Variants in CNGA2 observed in about 807,000 individuals in gnomAD.
The protein encoded by CNGA2 is cyclic nucleotide gated channel subunit alpha 2, also known as cyclic nucleotide-gated channel alpha-2.
Under a neutral mutation model 35.9 loss-of-function variants are expected in CNGA2, and 22 were observed. The ratio of observed to expected loss-of-function variants is 0.61; its 90% CI spans 0.44 to 0.88. The LOEUF (loss-of-function observed/expected upper bound fraction) is 0.88. Ranked by LOEUF, CNGA2 falls within the 40% of genes least tolerant of loss-of-function variation. CNGA2 has a pLI of 0.00. For synonymous variants in CNGA2, 217 were observed against 209.2 expected (o/e 1.04, Z -0.32); for missense variants, 555 against 530.8 (o/e 1.05, Z -0.45).
At chrX:151,739,961 T>C (rs73640113) in intron 4 of CNGA2, among the ~76,000 whole-genome samples, 4,841 of 112,427 alleles carry the variant, frequency 0.043, 253 homozygotes, top group African/African-American at 0.15. Flanking sequence ...CTCGCCTTAG[T>C]TGCCTCTTGC....
In CNGA2 at chrX:151,739,637, A is replaced by T; in HGVS notation, c.279A>T (p.Ser93=). 1 of 1,211,730 alleles carries T rather than the reference A, an allele frequency of 8.3e-7. No homozygotes were observed. ...NFREEEPRPD[S]FLERFRGPEL... ...GAGAGGAGGAACCTAGGCCTGACTC[A>T]TTCCTCGAGCGTTTTCGTGGGCCTG... Residue 93 remains serine (S), a synonymous_variant, in exon 4 of 7, where the codon TCA becomes TCT. Coordinates refer to ENST00000329903, the MANE Select transcript of CNGA2 (RefSeq NM_005140.3).
Position 151,739,720 on chromosome X carries a change from A to G in CNGA2, c.362A>G (p.Asp121Gly), listed in dbSNP as rs774905906. 10 of 1,209,775 alleles carry G rather than the reference A, an allele frequency of 8.3e-6. No individual in the cohort carries two copies. In the East Asian group the frequency reaches 2.7e-4, roughly 32 times the overall value. ...GDGKGDKDGE[D>G]KGTKKKFELF... ...GGCAAAGGCGACAAGGATGGCGAGG[A>G]CAAAGGCACCAAGTACAGCTGTTCA... Residue 121 changes from aspartate to glycine, a missense_variant, in exon 4 of 7, where the codon GAC becomes GGC. By Grantham distance (94) the Asp-to-Gly change is moderately conservative. Transcript: ENST00000329903.
Position 151,744,320 on chromosome X carries a change from C to A in CNGA2, c.1817C>A (p.Thr606Asn). The A allele has an allele frequency of 8.3e-7, 1 of 1,211,157 alleles. No homozygotes were observed. Among genetic ancestry groups the A allele is most frequent in the Middle Eastern group, 2.3e-4 (1 of 4,355 alleles). The change falls in exon 7 of 7, where the codon ACC (threonine) becomes AAC (asparagine). Residue 606 changes from threonine (T) to asparagine (N), a missense_variant. Transcript: ENST00000329903. ...CAGGAGAAGCTAGGGCAGCTGGAGA[C>A]CAACATGGAAACCTTGTACACTCGC... ...DVQEKLGQLE[T>N]NMETLYTRFG...
In CNGA2 at chrX:151,744,182, T is replaced by C; in HGVS notation, c.1679T>C (p.Val560Ala). Residue 560 changes from valine (V) to alanine (A), a missense_variant, in exon 7 of 7, where the codon GTG becomes GCG. By Grantham distance (64) the Val-to-Ala change is moderately conservative. Transcript: ENST00000329903. Reference sequence around the variant, plus strand: ...TCCAAGGATGATCTTATGGAAGCTGTGACTGAGTACCCTGATGCCAAGAAA... The same window carrying C: ...TCCAAGGATGATCTTATGGAAGCTGCGACTGAGTACCCTGATGCCAAGAAA... ...CLSKDDLMEA[V>A]TEYPDAKKVL... The C allele has an allele frequency of 5.8e-6, 7 of 1,210,714 alleles. No individual in the cohort carries two copies. Among genetic ancestry groups the C allele is most frequent in the Non-Finnish European group, 7.8e-6 (7 of 895,311 alleles).
chrX:151,738,981 C>T (rs1453260799), intron 3 of CNGA2, 102 bp downstream of exon 3: 3 of 621,871 alleles, frequency 4.8e-6, no homozygotes, highest in Non-Finnish European at 7.2e-6. Context: ...GTCCTGTCCA[C>T]CAAGACCTCC....
At position 151,743,637 on chromosome X, in the gene CNGA2, G is replaced by T; in HGVS notation, c.1134G>T (p.Met378Ile). The T allele has an allele frequency of 8.3e-7, 1 of 1,211,570 alleles. No individual in the cohort carries two copies. Among genetic ancestry groups the T allele is most frequent in the Non-Finnish European group, 1.1e-6 (1 of 895,542 alleles). Residue 378 changes from methionine (M) to isoleucine (I), a missense_variant, in exon 7 of 7, where the codon ATG becomes ATT. By Grantham distance (10) the Met-to-Ile change is conservative. Transcript: ENST00000329903. Reference sequence around the variant, plus strand: ...ATGTGGGCTCCATGATCTCCAACATGAATGCCACCCGGGCAGAGTTCCAGG... The same window carrying T: ...ATGTGGGCTCCATGATCTCCAACATTAATGCCACCCGGGCAGAGTTCCAGG... ...VGNVGSMISNMNATRAEFQAK... is the reference protein window; with the variant it reads ...VGNVGSMISNINATRAEFQAK...
At chrX:151,742,409 C>T (rs1225881103) in intron 5 of CNGA2, 127 bp from the exon 6 acceptor site, 11 of 477,853 alleles carry the variant, frequency 2.3e-5, no homozygotes. Context: ...TGGCATCAGG[C>T]TGACTGTGAC....
Position 151,743,767 on chromosome X carries a change from A to G in CNGA2, c.1264A>G (p.Thr422Ala), listed in dbSNP as rs200939277. 1 of 1,209,897 alleles carries G rather than the reference A, an allele frequency of 8.3e-7. No homozygotes were observed. The highest frequency in any genetic ancestry group is 1.1e-6 in the Non-Finnish European group (1 of 895,259). ...WFDYLWTNKK[T>A]VDEREILKNL... ...TGACTACTTGTGGACCAATAAGAAGACAGTGGATGAGCGAGAAATTCTCAA... is the reference window on the plus strand; with the variant it reads ...TGACTACTTGTGGACCAATAAGAAGGCAGTGGATGAGCGAGAAATTCTCAA... The change falls in exon 7 of 7, where the codon ACA (threonine) becomes GCA (alanine). Residue 422 changes from threonine to alanine, a missense_variant. Transcript: ENST00000329903.
chrX:151,738,961 G>T (rs2015275841), intron 3 of CNGA2, 82 bp downstream of exon 3: 2 of 759,396 alleles, frequency 2.6e-6, no homozygotes. Flanking sequence ...TCCTCTTCAC[G>T]GTCCCACCAG....
In CNGA2 at chrX:151,743,189, T is replaced by C. The variant is rs773164303; in HGVS notation, c.686T>C (p.Ile229Thr). The change falls in exon 7 of 7, where the codon ATC becomes ACC. Residue 229 changes from isoleucine to threonine, a missense_variant. Physicochemically the swap from Ile to Thr is moderately conservative, Grantham distance 89 (BLOSUM62 -1). Transcript: ENST00000329903. ...LQFKLDVASI[I>T]PTDLIYFAVD... ...TTCAAGCTGGATGTGGCTTCCATCA[T>C]CCCCACTGACCTGATCTATTTTGCT... 2.5e-6 allele frequency: 3 copies of C among 1,199,077 alleles called. No individual in the cohort carries two copies. Among genetic ancestry groups the C allele is most frequent in the African/African-American group, 3.7e-5 (2 of 53,590 alleles).
Position 151,744,726 on chromosome X carries a change from CG to C in CNGA2, c.*230del. 1 of 338,059 alleles carries C rather than the reference CG, an allele frequency of 3.0e-6. No homozygotes were observed. The highest frequency in any genetic ancestry group is 5.1e-6 in the Non-Finnish European group (1 of 194,680). 27.9% of individuals were successfully genotyped at this position (338,059 alleles called of 1,213,427 possible). ...GCGTTGGCTGGGCTTCCGAGAGCTT[CG>C]GCCTGCCTAAGTCTGAGGAAGGGAG... On this transcript the variant is annotated 3_prime_UTR_variant, in exon 7 of 7. Coordinates refer to ENST00000329903, the MANE Select transcript of CNGA2 (RefSeq NM_005140.3).
chrX:151,739,345 C>T (rs1729423209), intron 3 of CNGA2, among the ~76,000 whole-genome samples: 1 of 112,416 alleles, frequency 8.9e-6, no homozygotes, highest in African/African-American at 3.2e-5. Context: ...AGCAGTCTCC[C>T]CCTGGACTGC....
At chrX:151,737,368 A>G (rs1471890459) in intron 1 of CNGA2, among the ~76,000 whole-genome samples, 1 of 111,696 alleles carries the variant, frequency 9.0e-6, no homozygotes, top group African/African-American at 3.3e-5. Flanking sequence ...TTCTCCATCT[A>G]TTTTGTGGAC....
rs1362209924 is a variant in CNGA2, at chrX:151,745,462, A to G, written c.*964A>G. On this transcript the variant is annotated 3_prime_UTR_variant, in exon 7 of 7. Coordinates refer to ENST00000329903, the MANE Select transcript of CNGA2 (RefSeq NM_005140.3). ...TTGTGGATGTTCAAGTCCCTGATAC[A>G]AAATGACGTCGTATTTGAATATAAC... Among the ~76,000 whole-genome samples, 3 of 111,863 alleles carry G rather than the reference A, an allele frequency of 2.7e-5. No individual in the cohort carries two copies. Among genetic ancestry groups the G allele is most frequent in the African/African-American group, 9.8e-5 (3 of 30,698 alleles).
chrX:151,737,834 G>A (rs185443857), intron 1 of CNGA2, among the ~76,000 whole-genome samples: 1,248 of 106,907 alleles, frequency 0.012, 23 homozygotes, highest in African/African-American at 0.039. Context: ...CTCCAAGGCA[G>A]CCACTGCCCC....
At chrX:151,738,926 C>G (rs748048255) in intron 3 of CNGA2, 47 bp downstream of exon 3, 4 of 1,043,654 alleles carry the variant, frequency 3.8e-6, no homozygotes, top group Non-Finnish European at 5.2e-6. Context: ...GTGCATGGAG[C>G]CTGTCAGGGT....
At position 151,744,238 on chromosome X, in the gene CNGA2, A is replaced by G; in HGVS notation, c.1735A>G (p.Met579Val). ...AGAAGAGAGGGGTCGGGAGATCCTCATGAAGGAGGGACTGCTGGATGAGAA... is the reference window on the plus strand; with the variant it reads ...AGAAGAGAGGGGTCGGGAGATCCTCGTGAAGGAGGGACTGCTGGATGAGAA... ...VLEERGREILMKEGLLDENEV... is the reference protein window; with the variant it reads ...VLEERGREILVKEGLLDENEV... Residue 579 changes from methionine (M) to valine (V), a missense_variant, in exon 7 of 7, where the codon ATG (methionine) becomes GTG (valine). Transcript: ENST00000329903. The G allele has an allele frequency of 8.3e-7, 1 of 1,210,805 alleles. No individual in the cohort carries two copies. The highest frequency in any genetic ancestry group is 1.1e-6 in the Non-Finnish European group (1 of 895,330).
In CNGA2 at chrX:151,739,619, G is replaced by A. The variant is rs1385676799; in HGVS notation, c.261G>A (p.Glu87=). The A allele has an allele frequency of 5.8e-6, 7 of 1,209,985 alleles. No individual in the cohort carries two copies. The highest frequency in any genetic ancestry group is 6.7e-6 in the Non-Finnish European group (6 of 895,219). The part of the protein sequence containing the change: ...REWANKNFRE[E]EPRPDSFLER... ...GGGCCAACAAGAATTTCCGAGAGGAGGAACCTAGGCCTGACTCATTCCTCG... is the reference window on the plus strand; with the variant it reads ...GGGCCAACAAGAATTTCCGAGAGGAAGAACCTAGGCCTGACTCATTCCTCG... Residue 87 remains glutamate, a synonymous_variant, in exon 4 of 7, where the codon GAG becomes GAA. Coordinates refer to ENST00000329903, the MANE Select transcript of CNGA2 (RefSeq NM_005140.3).
chrX:151,739,174 C>T (rs778130590), intron 3 of CNGA2, among the ~76,000 whole-genome samples: 4 of 112,609 alleles, frequency 3.6e-5, no homozygotes, highest in Non-Finnish European at 7.5e-5. Context: ...CCTCTCTGTC[C>T]CAGAGTCAGA....
Sources: allele counts gnomAD v4.1 joint callset (sites outside exome capture counted in the v4.1 genomes callset), GRCh38; gene constraint gnomAD v4.1.1; transcripts MANE v1.5; gene names NCBI Gene and HGNC (gene_info 2026-07-23, HGNC 2026-07-21).